ADAMTS6: variants seen among roughly 807,000 people sequenced by gnomAD.
The protein encoded by ADAMTS6 is A disintegrin and metalloproteinase with thrombospondin motifs 6.
Under a neutral mutation model 144.3 loss-of-function variants are expected in ADAMTS6, and 23 were observed. That is an observed-to-expected ratio of 0.16 (90% CI 0.11 to 0.23). The LOEUF is 0.23. Ranked by LOEUF, ADAMTS6 falls within the 10% of genes least tolerant of loss-of-function variation. The pLI, the probability that ADAMTS6 is intolerant of heterozygous loss-of-function variation, is 1.00. For synonymous variants in ADAMTS6, 444 were observed against 457.5 expected (o/e 0.97, Z 0.38); for missense variants, 999 against 1,379.6 (o/e 0.72, Z 4.37).
chr5:65,354,270 C>T (rs937020803), intron 7 of ADAMTS6, among the ~76,000 whole-genome samples: 4 of 151,760 alleles, frequency 2.6e-5, no homozygotes, highest in Non-Finnish European at 5.9e-5. Flanking sequence ...CTGTGTCTTC[C>T]ATAATAGGGT....
chr5:65,150,158 C>A lies in ADAMTS6; in HGVS notation c.*1678G>T, dbSNP rs555161291. The stretch of plus-strand genomic sequence containing the variant: ...TGCACTGACATGTAATTTAAGAGCA[C>A]CATGATGGAATCAAGTCAAACATGC... On this transcript the variant is annotated 3_prime_UTR_variant, in exon 25 of 25. Transcript: ENST00000381055. 2 of 152,522 alleles carry A rather than the reference C, an allele frequency of 1.3e-5. No homozygotes were observed. Among genetic ancestry groups the A allele is most frequent in the Non-Finnish European group, 2.9e-5 (2 of 68,026 alleles). The allele number at this position is 152,522 out of a possible 1,614,324, so 9.4% of individuals were successfully genotyped here.
intron 7 of ADAMTS6, among the ~76,000 whole-genome samples, chr5:65,340,130 T>C (rs929584093): frequency 2.0e-4 from 31 of 152,074 alleles, no homozygotes; most frequent in Middle Eastern, 3.4e-3. Context: ...GAGAGAAAAG[T>C]GTCAAGTCAT....
At chr5:65,197,450 C>T (rs1755459989) in intron 20 of ADAMTS6, among the ~76,000 whole-genome samples, 1 of 152,104 alleles carries the variant, frequency 6.6e-6, no homozygotes, top group South Asian at 2.1e-4. Flanking sequence ...CCTTAACAAA[C>T]AAACAAAACA....
intron 21 of ADAMTS6, 146 bp downstream of exon 21, chr5:65,196,876 A>T: frequency 1.0e-6 from 1 of 957,078 alleles, no homozygotes; most frequent in Non-Finnish European, 1.5e-6. Flanking sequence ...TAAAAGAGAC[A>T]TCAAAATTCC....
At chr5:65,445,051 T>C (rs1402995474) in intron 7 of ADAMTS6, among the ~76,000 whole-genome samples, 1 of 152,226 alleles carries the variant, frequency 6.6e-6, no homozygotes, top group Admixed American at 6.5e-5. Context: ...CCAATATAAA[T>C]ACTTAAGTTA....
intron 9 of ADAMTS6, among the ~76,000 whole-genome samples, chr5:65,302,924 C>T (rs1304507396): frequency 6.6e-6 from 1 of 152,018 alleles, no homozygotes; most frequent in Non-Finnish European, 1.5e-5. Context: ...TAAAAAAAAT[C>T]AAGCTTCTAC....
chr5:65,408,373 A>AAACC (rs2150178085), intron 7 of ADAMTS6, among the ~76,000 whole-genome samples: 1 of 152,322 alleles, frequency 6.6e-6, no homozygotes, highest in East Asian at 1.9e-4. Context: ...AACAGACTTT[A>AAACC]AACCAACAAA....
At chr5:65,304,742 A>T (rs563659305) in intron 9 of ADAMTS6, among the ~76,000 whole-genome samples, 1 of 152,254 alleles carries the variant, frequency 6.6e-6, no homozygotes, top group Non-Finnish European at 1.5e-5. Context: ...ATATGAGTGG[A>T]TCTTAAAAAC....
chr5:65,334,269 C>CA (rs1747091899), intron 7 of ADAMTS6, among the ~76,000 whole-genome samples, 184 bp from the exon 8 acceptor site: 2 of 152,284 alleles, frequency 1.3e-5, no homozygotes, highest in African/African-American at 4.8e-5. Context: ...GCACTACACT[C>CA]ACAGCCTCTG....
At chr5:65,321,993 G>C (rs1745662359) in intron 9 of ADAMTS6, among the ~76,000 whole-genome samples, 1 of 152,016 alleles carries the variant, frequency 6.6e-6, no homozygotes, top group Non-Finnish European at 1.5e-5. Context: ...TGGGATTACA[G>C]GTGTGAGCCA....
At chr5:65,259,117 G>A (rs1303899698) in intron 14 of ADAMTS6, among the ~76,000 whole-genome samples, 1 of 152,072 alleles carries the variant, frequency 6.6e-6, no homozygotes, top group Admixed American at 6.6e-5. Context: ...AGCACTTTGG[G>A]AGGCCGAGGC....
intron 9 of ADAMTS6, among the ~76,000 whole-genome samples, chr5:65,300,359 T>C (rs72760527): frequency 0.041 from 6,230 of 152,286 alleles, 189 homozygotes; most frequent in East Asian, 0.064. Flanking sequence ...TCACATACTC[T>C]CACCTGTTAT....
chr5:65,178,142 G>A (rs564882695), intron 22 of ADAMTS6, among the ~76,000 whole-genome samples: 2 of 152,328 alleles, frequency 1.3e-5, no homozygotes, highest in African/African-American at 4.8e-5. Context: ...TGATGGTATT[G>A]TGGTGGACCT....
At chr5:65,209,164 A>T in intron 20 of ADAMTS6, among the ~76,000 whole-genome samples, 1 of 152,220 alleles carries the variant, frequency 6.6e-6, no homozygotes, top group South Asian at 2.1e-4. Context: ...TACTGGCATA[A>T]ATTACCACTT....
chr5:65,373,446 A>C (rs1291606339), intron 7 of ADAMTS6, among the ~76,000 whole-genome samples: 2 of 150,956 alleles, frequency 1.3e-5, no homozygotes, highest in East Asian at 1.9e-4. Flanking sequence ...ATCCCACAGA[A>C]ATACAAACTA....
Position 65,215,433 on chromosome 5 carries a change from C to T in ADAMTS6, c.2327G>A (p.Trp776Ter). The T allele has an allele frequency of 6.2e-7, 1 of 1,614,002 alleles. No homozygotes were observed. Among genetic ancestry groups the T allele is most frequent in the Non-Finnish European group, 8.5e-7 (1 of 1,179,932 alleles). The change falls in exon 19 of 25, where the codon TGG (tryptophan) becomes TAG (stop). Residue 776 changes from tryptophan (W) to a stop codon, truncating the protein, a stop_gained. Transcript: ENST00000381055. LOFTEE classifies it high-confidence loss of function. The stretch of plus-strand genomic sequence containing the variant: ...CCCAGCAACATCAAATTTCCTAGGC[C>T]AGTCAATAGTCCAGGCACCATTAAT... ...YYINGAWTIDWPRKFDVAGTA... is the reference protein window; with the variant it reads ...YYINGAWTID
intron 21 of ADAMTS6, among the ~76,000 whole-genome samples, chr5:65,193,691 CAT>C (rs200935848): frequency 0.014 from 2,134 of 152,248 alleles, 25 homozygotes; most frequent in Non-Finnish European, 0.021. Context: ...CAAAGACTAA[CAT>C]GTGCTTCCAT....
At chr5:65,354,764 T>C (rs2150094893) in intron 7 of ADAMTS6, among the ~76,000 whole-genome samples, 2 of 101,542 alleles carry the variant, frequency 2.0e-5, no homozygotes, top group South Asian at 6.1e-4. Flanking sequence ...CTCACTTAAT[T>C]GAATTAAAAA....
intron 15 of ADAMTS6, among the ~76,000 whole-genome samples, chr5:65,235,038 A>G (rs1758558794): frequency 6.6e-6 from 1 of 152,186 alleles, no homozygotes; most frequent in Non-Finnish European, 1.5e-5. Context: ...AAAAAGTCAA[A>G]CTCATAGAAA....
Sources: gnomAD v4.1 joint callset for allele counts (sites outside exome capture counted in the v4.1 genomes callset) on GRCh38, gnomAD v4.1.1 for gene constraint, MANE v1.5 for transcripts, NCBI Gene and HGNC (gene_info 2026-07-23, HGNC 2026-07-21) for gene names.